ORC2: variants seen among roughly 807,000 people sequenced by gnomAD.
ORC2 encodes origin recognition complex subunit 2, also known as origin recognition complex protein 2 homolog.
A neutral mutation model predicts 77.7 loss-of-function variants in ORC2; 37 were observed. The ratio of observed to expected loss-of-function variants is 0.48; its 90% CI spans 0.37 to 0.63. The LOEUF is 0.63. Ranked by LOEUF, ORC2 falls within the 20% of genes least tolerant of loss-of-function variation. The pLI, the probability that ORC2 is intolerant of heterozygous loss-of-function variation, is 0.00. For synonymous variants in ORC2, 201 were observed against 229.5 expected (o/e 0.88, Z 1.12); for missense variants, 557 against 661.9 (o/e 0.84, Z 1.74).
Position 200,911,313 on chromosome 2 carries a change from T to G in ORC2, c.1722A>C (p.Glu574Asp), listed in dbSNP as rs1402328068. 5.6e-6 allele frequency: 9 copies of G among 1,603,972 alleles called. No homozygotes were observed. Among genetic ancestry groups the G allele is most frequent in the Non-Finnish European group, 6.8e-6 (8 of 1,170,738 alleles). ...GTLTDFLEKEEEEA is the reference protein window; with the variant it reads ...GTLTDFLEKEDEEA ...ATAAAGGAAAGCTTCAAGCCTCCTC[T>G]TCTTCCTTTTCCAAGAAATCAGTCA... The change falls in exon 18 of 18, where the codon GAA becomes GAC. Residue 574 changes from glutamate (E) to aspartate (D), a missense_variant. Transcript: ENST00000234296.
At chr2:200,926,334 G>A (rs2040838352) in intron 12 of ORC2, among the ~76,000 whole-genome samples, 1 of 152,162 alleles carries the variant, frequency 6.6e-6, no homozygotes, top group East Asian at 1.9e-4. Flanking sequence ...TTCAAATGAT[G>A]AAGAGATATT....
intron 11 of ORC2, among the ~76,000 whole-genome samples, chr2:200,927,604 G>C: frequency 6.7e-6 from 1 of 150,038 alleles, no homozygotes; most frequent in East Asian, 2.0e-4. Flanking sequence ...GCAGGAGAAT[G>C]GCGTGAACAC....
intron 5 of ORC2, among the ~76,000 whole-genome samples, chr2:200,947,775 A>T (rs1000936629): frequency 6.6e-6 from 1 of 152,084 alleles, no homozygotes; most frequent in Non-Finnish European, 1.5e-5. Flanking sequence ...TCACTCTGTC[A>T]CCCAGGCTGG....
intron 13 of ORC2, among the ~76,000 whole-genome samples, chr2:200,923,654 T>G (rs2040794673): frequency 6.6e-6 from 1 of 152,142 alleles, no homozygotes; most frequent in Non-Finnish European, 1.5e-5. Context: ...TACACAGGTA[T>G]TTTTTCCCCA....
rs1164362052 is a variant in ORC2 at position 200,910,594 on chromosome 2, A to G, written c.*707T>C. On this transcript the variant is annotated 3_prime_UTR_variant, in exon 18 of 18. Coordinates refer to ENST00000234296, the MANE Select transcript of ORC2 (RefSeq NM_006190.5). The stretch of plus-strand genomic sequence containing the variant: ...TCACTGGTATCATGAAGGTCATGGC[A>G]CAGACAATAACTGTTCCAAATATAT... The G allele has an allele frequency of 6.6e-6, 1 of 152,202 alleles. No individual in the cohort carries two copies. The highest frequency in any genetic ancestry group is 2.4e-5 in the African/African-American group (1 of 41,458). The allele number at this position is 152,202 out of a possible 1,614,324, so 9.4% of individuals were successfully genotyped here.
At chr2:200,912,914 A>T (rs1258781106) in intron 17 of ORC2, among the ~76,000 whole-genome samples, 2 of 152,248 alleles carry the variant, frequency 1.3e-5, no homozygotes, top group Non-Finnish European at 2.9e-5. Flanking sequence ...AAGCTCCATA[A>T]GAAAAGCAAT....
intron 8 of ORC2, among the ~76,000 whole-genome samples, chr2:200,937,001 GA>G (rs1012956581): frequency 1.3e-5 from 2 of 149,468 alleles, no homozygotes; most frequent in South Asian, 2.1e-4. Flanking sequence ...AAAAAAAAAA[GA>G]AAAAAAAAGG....
chr2:200,940,967 CCAGCTACACA>C (rs2041141777), intron 7 of ORC2, among the ~76,000 whole-genome samples: 1 of 152,110 alleles, frequency 6.6e-6, no homozygotes, highest in Admixed American at 6.6e-5. Context: ...CATTTTCAGG[CCAGCTACACA>C]CAGCAGAAAA....
chr2:200,942,073 G>A (rs1295907840), intron 6 of ORC2, among the ~76,000 whole-genome samples: 4 of 151,816 alleles, frequency 2.6e-5, no homozygotes, highest in South Asian at 4.2e-4. Context: ...CCTGTTACAC[G>A]AGAGGCTGAG....
chr2:200,928,194 A>G (rs2040876690), intron 11 of ORC2, among the ~76,000 whole-genome samples: 1 of 151,984 alleles, frequency 6.6e-6, no homozygotes, highest in East Asian at 2.0e-4. Flanking sequence ...TGTCTCTACT[A>G]AAAATACAAA....
chr2:200,941,148 T>C (rs2041144798), intron 7 of ORC2, 100 bp downstream of exon 7: 12 of 906,014 alleles, frequency 1.3e-5, no homozygotes, highest in African/African-American at 3.3e-5. Flanking sequence ...CAAAGCACTA[T>C]ATAAATTAAG....
At chr2:200,948,176 G>A (rs1575178777) in intron 5 of ORC2, among the ~76,000 whole-genome samples, 1 of 151,812 alleles carries the variant, frequency 6.6e-6, no homozygotes, top group Non-Finnish European at 1.5e-5. Flanking sequence ...GCCTCCCAAA[G>A]TGCTGGGATT....
intron 5 of ORC2, among the ~76,000 whole-genome samples, chr2:200,946,215 C>G (rs2041247850): frequency 6.6e-6 from 1 of 151,658 alleles, no homozygotes; most frequent in African/African-American, 2.4e-5. Context: ...GTCTCAAACT[C>G]CTGGGCTTAA....
chr2:200,961,653 ATC>A (rs2041576970), intron 1 of ORC2, among the ~76,000 whole-genome samples: 4 of 152,352 alleles, frequency 2.6e-5, no homozygotes, highest in Admixed American at 6.5e-5. Context: ...AGTCAGCATA[ATC>A]TACATTATTT....
chr2:200,957,649 TG>T (rs1225920850), intron 3 of ORC2, 105 bp from the exon 4 acceptor site: 27 of 880,906 alleles, frequency 3.1e-5, no homozygotes, highest in Non-Finnish European at 4.2e-5. Flanking sequence ...ACTTAAAAGC[TG>T]GGAAAAAAGC....
At chr2:200,913,793 T>C (rs2040591460) in intron 16 of ORC2, 138 bp downstream of exon 16, 6 of 1,413,254 alleles carry the variant, frequency 4.2e-6, no homozygotes, top group Non-Finnish European at 5.5e-6. Context: ...AAATTTGCTA[T>C]GTGGCAGACA....
intron 15 of ORC2, among the ~76,000 whole-genome samples, chr2:200,916,635 G>C (rs760202993): frequency 5.3e-5 from 8 of 152,178 alleles, no homozygotes; most frequent in Non-Finnish European, 1.0e-4. Flanking sequence ...ACAGAATGAA[G>C]ACTTTGTCCC....
At chr2:200,913,256 C>G in intron 17 of ORC2, 39 bp downstream of exon 17, 1 of 1,459,996 alleles carries the variant, frequency 6.8e-7, no homozygotes, top group South Asian at 1.2e-5. Flanking sequence ...ATGATACGGA[C>G]TATTCCTGGC....
chr2:200,941,292 A>T lies in ORC2; in HGVS notation c.422-13T>A. 1.9e-6 allele frequency: 3 copies of T among 1,606,998 alleles called. No homozygotes were observed. Among genetic ancestry groups the T allele is most frequent in the Admixed American group, 1.7e-5 (1 of 59,890 alleles). Reference sequence around the variant, plus strand: ...GAAGCAGAATGGCCTAAAGAATGAAACAAAAAGCCATGACTTACTACGGAC... The same window carrying T: ...GAAGCAGAATGGCCTAAAGAATGAATCAAAAAGCCATGACTTACTACGGAC... On this transcript the variant is annotated splice_polypyrimidine_tract_variant and intron_variant, in intron 6 of 17. Coordinates refer to ENST00000234296, the MANE Select transcript of ORC2 (RefSeq NM_006190.5).
Sources: gnomAD v4.1 joint callset for allele counts (sites outside exome capture counted in the v4.1 genomes callset) on GRCh38, gnomAD v4.1.1 for gene constraint, MANE v1.5 for transcripts, NCBI Gene and HGNC (gene_info 2026-07-23, HGNC 2026-07-21) for gene names.